RNF180: variants seen among roughly 807,000 people sequenced by gnomAD.
RNF180 encodes E3 ubiquitin-protein ligase RNF180.
RNF180 carries 38 observed loss-of-function variants against 59.2 expected under a neutral mutation model. The observed-to-expected ratio is 0.64, with a 90% CI of 0.50 to 0.84. RNF180 has a LOEUF of 0.84. Among genes scored for constraint, RNF180 ranks in the 40% least tolerant of loss-of-function variants. The pLI is 0.00. For missense variants in RNF180, 705 were observed against 700.9 expected, an observed-to-expected ratio of 1.01 and a Z score of -0.07; for synonymous variants, 262 against 240.3, an observed-to-expected ratio of 1.09 and a Z score of -0.84.
At chr5:64,368,306 G>A (rs1247950859) in intron 7 of RNF180, among the ~76,000 whole-genome samples, 2 of 151,778 alleles carry the variant, frequency 1.3e-5, no homozygotes, top group African/African-American at 4.8e-5. Context: ...ACAAGGTTAA[G>A]TTGGTGATCA....
At chr5:64,226,763 TTA>T (rs1204665801) in intron 5 of RNF180, among the ~76,000 whole-genome samples, 2 of 152,220 alleles carry the variant, frequency 1.3e-5, no homozygotes. Flanking sequence ...ACAGAGTTCT[TTA>T]GCCTCCAAAA....
intron 5 of RNF180, among the ~76,000 whole-genome samples, chr5:64,291,961 AT>A: frequency 6.6e-6 from 1 of 151,714 alleles, no homozygotes; most frequent in South Asian, 2.1e-4. Context: ...TGAATTTCTT[AT>A]GTTTTTTTAG....
At chr5:64,217,260 A>C in intron 4 of RNF180, 101 bp from the exon 5 acceptor site, 1 of 1,263,626 alleles carries the variant, frequency 7.9e-7, no homozygotes, top group Non-Finnish European at 1.0e-6. Flanking sequence ...TCAGCTGCTG[A>C]AGGACAAGTG....
intron 1 of RNF180, 142 bp downstream of exon 1, chr5:64,166,095 A>G (rs1009465086): frequency 3.9e-5 from 6 of 152,084 alleles, no homozygotes; most frequent in African/African-American, 1.5e-4. Flanking sequence ...GGGCTGGGCT[A>G]GGGTTGCCGC....
At chr5:64,234,628 C>G (rs1742309609) in intron 5 of RNF180, among the ~76,000 whole-genome samples, 1 of 85,188 alleles carries the variant, frequency 1.2e-5, no homozygotes, top group Non-Finnish European at 2.1e-5. Context: ...GAGAAGGAGT[C>G]TCACTCTGTC....
chr5:64,212,243 G>A, intron 3 of RNF180, 83 bp downstream of exon 3: 1 of 811,566 alleles, frequency 1.2e-6, no homozygotes, highest in Non-Finnish European at 2.1e-6. Flanking sequence ...ATTTTTCTTA[G>A]ATGCATTCCT....
upstream of RNF180, among the ~76,000 whole-genome samples, chr5:64,165,544 C>A (rs1406050315): frequency 3.3e-5 from 5 of 152,182 alleles, no homozygotes; most frequent in African/African-American, 9.6e-5. Context: ...CAGAAAAGGC[C>A]GAGTGAGGAC....
intron 5 of RNF180, among the ~76,000 whole-genome samples, chr5:64,218,307 G>A (rs542345762): frequency 1.8e-4 from 28 of 152,264 alleles, no homozygotes; most frequent in African/African-American, 6.3e-4. Context: ...GTAATAAGTT[G>A]TGAGACTTAA....
At position 64,210,801 on chromosome 5, in the gene RNF180, A is replaced by G. The variant is rs531271414; in HGVS notation, c.136-1264A>G. Among the ~76,000 whole-genome samples, 43 of 152,302 alleles carry G rather than the reference A, an allele frequency of 2.8e-4. 1 individual carries two copies. Among genetic ancestry groups the G allele is most frequent in the Middle Eastern group, 3.4e-3 (1 of 292 alleles). On this transcript the variant is annotated intron_variant, in intron 2 of 7. Coordinates refer to ENST00000389100, the MANE Select transcript of RNF180 (RefSeq NM_001113561.2). ...CTGGTATAGGGGATGGCACTGTTAT[A>G]GGACTAACAGTTTCATATGCCCGTG...
At chr5:64,321,910 A>G (rs1744371804) in intron 5 of RNF180, among the ~76,000 whole-genome samples, 1 of 152,236 alleles carries the variant, frequency 6.6e-6, no homozygotes. Flanking sequence ...GCAATGGGGA[A>G]AGGATTCCCT....
chr5:64,191,706 T>G (rs1033371020), intron 1 of RNF180, among the ~76,000 whole-genome samples: 3 of 152,208 alleles, frequency 2.0e-5, no homozygotes, highest in African/African-American at 7.2e-5. Context: ...GCACCTTATC[T>G]AAATGGTTTC....
At chr5:64,359,507 T>G (rs1259813155) in intron 7 of RNF180, among the ~76,000 whole-genome samples, 2 of 152,050 alleles carry the variant, frequency 1.3e-5, no homozygotes, top group Non-Finnish European at 2.9e-5. Flanking sequence ...GTAAATTTGT[T>G]TGAGTTCATT....
Position 64,167,738 on chromosome 5 carries a change from A to G in RNF180, c.-1+1785A>G, listed in dbSNP as rs147253912. On this transcript the variant is annotated intron_variant, in intron 1 of 7. Coordinates refer to ENST00000389100, the MANE Select transcript of RNF180 (RefSeq NM_001113561.2). The stretch of plus-strand genomic sequence containing the variant: ...AGCATAAAGATTAAAAATTTCGCTT[A>G]AATTTTGCTAACTACATAGTACAAG... Among the ~76,000 whole-genome samples the G allele has an allele frequency of 2.4e-4, 37 of 152,318 alleles. No homozygotes were observed. In the East Asian group the frequency reaches 7.1e-3, roughly 29 times the overall value.
intron 1 of RNF180, among the ~76,000 whole-genome samples, chr5:64,190,827 A>G (rs575099736): frequency 1.3e-5 from 2 of 152,220 alleles, no homozygotes; most frequent in South Asian, 2.1e-4. Context: ...CCAGAAAACA[A>G]CCCTACCAAC....
At position 64,350,982 on chromosome 5, in the gene RNF180, C is replaced by T. The variant is rs1243816035; in HGVS notation, c.1580-18633C>T. On this transcript the variant is annotated intron_variant, in intron 7 of 7. Transcript: ENST00000389100. Reference sequence around the variant, plus strand: ...TAGCTTGATGGGGATGGCATTGAATCTATAAATTACCTTGGGCAGTATGGC... The same window carrying T: ...TAGCTTGATGGGGATGGCATTGAATTTATAAATTACCTTGGGCAGTATGGC... 2.6e-5 allele frequency among the ~76,000 whole-genome samples: 4 copies of T among 151,984 alleles called. 1 individual carries two copies. The highest frequency in any genetic ancestry group is 2.6e-4 in the Admixed American group (4 of 15,258).
chr5:64,221,232 C>G (rs1741313697), intron 5 of RNF180, among the ~76,000 whole-genome samples: 1 of 151,938 alleles, frequency 6.6e-6, no homozygotes, highest in South Asian at 2.1e-4. Context: ...TCTCCTCTTC[C>G]TCAAGCAGAA....
chr5:64,169,863 T>G (rs1001214083), intron 1 of RNF180, among the ~76,000 whole-genome samples: 1 of 152,236 alleles, frequency 6.6e-6, no homozygotes, highest in African/African-American at 2.4e-5. Flanking sequence ...TTTCGCGGGA[T>G]AAATTCTAAT....
intron 7 of RNF180, among the ~76,000 whole-genome samples, chr5:64,353,510 C>T (rs1006726226): frequency 1.3e-5 from 2 of 151,402 alleles, no homozygotes; most frequent in Admixed American, 1.3e-4. Context: ...ATTCTGGAAA[C>T]AAAATAAGAA....
Position 64,225,009 on chromosome 5 carries a change from C to A in RNF180, c.1227+7613C>A, listed in dbSNP as rs569895829. 9.8e-5 allele frequency among the ~76,000 whole-genome samples: 15 copies of A among 152,300 alleles called. 2 individuals are homozygous for A. Among genetic ancestry groups the A allele is most frequent in the African/African-American group, 3.6e-4 (15 of 41,570 alleles). ...TCCCAAACTGTGAGAAAATCATTTT[C>A]TTGTCTCAATAAATTACCCAGTCTT... On this transcript the variant is annotated intron_variant, in intron 5 of 7. Transcript: ENST00000389100.
Sources: allele counts gnomAD v4.1 joint callset (sites outside exome capture counted in the v4.1 genomes callset), GRCh38; gene constraint gnomAD v4.1.1; transcripts MANE v1.5; gene names NCBI Gene and HGNC (gene_info 2026-07-23, HGNC 2026-07-21).